The following NCALD variants were observed in gnomAD, a reference collection of about 807,000 sequenced individuals.
NCALD encodes neurocalcin delta.
Under a neutral mutation model 18.6 loss-of-function variants are expected in NCALD, and 10 were observed. The observed-to-expected ratio is 0.54, with a 90% CI of 0.33 to 0.91. The LOEUF (loss-of-function observed/expected upper bound fraction) is 0.91, where lower values mean the gene tolerates loss of function less well. Among genes scored for constraint, NCALD ranks in the 40% least tolerant of loss-of-function variants. The pLI, the probability that NCALD is intolerant of heterozygous loss-of-function variation, is 0.03. For missense variants in NCALD, 184 were observed against 247.6 expected (o/e 0.74, Z 1.72); for synonymous variants, 88 against 87.4 (o/e 1.01, Z -0.04).
At chr8:101,898,966 T>C (rs776767064) in intron 3 of NCALD, among the ~76,000 whole-genome samples, 1 of 152,106 alleles carries the variant, frequency 6.6e-6, no homozygotes, top group African/African-American at 2.4e-5. Context: ...CTGAATATCA[T>C]TTTGGGGAGA....
intron 3 of NCALD, among the ~76,000 whole-genome samples, chr8:101,887,587 A>C (rs1816721077): frequency 6.6e-6 from 1 of 151,632 alleles, no homozygotes; most frequent in Admixed American, 6.6e-5. Context: ...GATTATAAAC[A>C]TTAGAATAAA....
Position 102,066,663 on chromosome 8 carries a change from A to G in NCALD, c.-209-46374T>C, listed in dbSNP as rs1299341846. Among the ~76,000 whole-genome samples, 4 of 152,238 alleles carry G rather than the reference A, an allele frequency of 2.6e-5. No individual in the cohort carries two copies. The East Asian group carries it at 7.7e-4, about 29-fold the overall frequency. On this transcript the variant is annotated intron_variant, in intron 1 of 6. Transcript: ENST00000311028. ...CCCGCAGCAAGGCAGGTGTGTGCCCACAGGTTAACGTGACTTGGGGCACGT... is the reference window on the plus strand; with the variant it reads ...CCCGCAGCAAGGCAGGTGTGTGCCCGCAGGTTAACGTGACTTGGGGCACGT...
At chr8:102,026,920 G>A (rs1348574773) in intron 1 of NCALD, among the ~76,000 whole-genome samples, 1 of 152,214 alleles carries the variant, frequency 6.6e-6, no homozygotes, top group Non-Finnish European at 1.5e-5. Flanking sequence ...AATACCACAT[G>A]AAAGCTGCCA....
At chr8:102,090,868 C>A (rs533626671) in intron 1 of NCALD, among the ~76,000 whole-genome samples, 1 of 152,172 alleles carries the variant, frequency 6.6e-6, no homozygotes, top group Non-Finnish European at 1.5e-5. Flanking sequence ...TTTACCAAGG[C>A]GTTGTCTGGA....
intron 1 of NCALD, among the ~76,000 whole-genome samples, chr8:101,733,608 G>T (rs542367968): frequency 1.3e-5 from 2 of 152,318 alleles, no homozygotes; most frequent in South Asian, 2.1e-4. Context: ...GGTTCAGTTT[G>T]GTTGGGTTGT....
At chr8:102,059,088 T>C (rs1194327750) in intron 1 of NCALD, among the ~76,000 whole-genome samples, 1 of 152,260 alleles carries the variant, frequency 6.6e-6, no homozygotes, top group Non-Finnish European at 1.5e-5. Flanking sequence ...CAGTTATAAA[T>C]TTGTATTGTT....
chr8:101,762,741 T>G (rs1811167574), intron 1 of NCALD, among the ~76,000 whole-genome samples: 2 of 152,006 alleles, frequency 1.3e-5, no homozygotes, highest in South Asian at 4.2e-4. Context: ...GCCTGGCTAA[T>G]TTTTGTATTT....
chr8:101,884,000 C>T (rs1816584001), intron 4 of NCALD, among the ~76,000 whole-genome samples: 1 of 152,210 alleles, frequency 6.6e-6, no homozygotes, highest in Non-Finnish European at 1.5e-5. Context: ...TTGGTTCATT[C>T]ATTCATTCTC....
intron 1 of NCALD, among the ~76,000 whole-genome samples, chr8:102,074,642 C>A (rs375280937): frequency 3.5e-4 from 54 of 152,244 alleles, no homozygotes; most frequent in African/African-American, 1.3e-3. Flanking sequence ...CCTGACTGCA[C>A]TTGATCAGCA....
At chr8:101,730,585 G>A (rs1042646322) in intron 1 of NCALD, among the ~76,000 whole-genome samples, 2 of 149,442 alleles carry the variant, frequency 1.3e-5, no homozygotes, top group Non-Finnish European at 3.0e-5. Context: ...TTCATTTATC[G>A]ATGGATTCAA....
At chr8:101,944,762 A>G (rs935934465) in intron 2 of NCALD, among the ~76,000 whole-genome samples, 3 of 152,098 alleles carry the variant, frequency 2.0e-5, no homozygotes, top group African/African-American at 7.2e-5. Flanking sequence ...GCTCCCATCC[A>G]TGGCCCTGTC....
chr8:101,716,356 A>T (rs1460257999), intron 2 of NCALD, among the ~76,000 whole-genome samples: 1 of 152,130 alleles, frequency 6.6e-6, no homozygotes, highest in Non-Finnish European at 1.5e-5. Flanking sequence ...CATTAGGAGA[A>T]ATACCTAATG....
At chr8:102,011,858 T>C (rs750226387) in intron 2 of NCALD, among the ~76,000 whole-genome samples, 7 of 152,200 alleles carry the variant, frequency 4.6e-5, no homozygotes, top group Non-Finnish European at 1.0e-4. Flanking sequence ...GATCTTACTA[T>C]ACTATATGAG....
intron 1 of NCALD, among the ~76,000 whole-genome samples, chr8:101,758,366 C>T (rs569060840): frequency 6.6e-6 from 1 of 152,316 alleles, no homozygotes; most frequent in East Asian, 1.9e-4. Context: ...ACTCATCCTG[C>T]CTGGATTCCC....
chr8:101,768,652 T>A (rs1280973064), intron 1 of NCALD, among the ~76,000 whole-genome samples: 1 of 147,900 alleles, frequency 6.8e-6, no homozygotes, highest in East Asian at 2.0e-4. Flanking sequence ...GAAGATGCAA[T>A]GAACTGAGAT....
At chr8:101,934,000 C>T (rs1053928480) in intron 2 of NCALD, among the ~76,000 whole-genome samples, 1 of 152,110 alleles carries the variant, frequency 6.6e-6, no homozygotes, top group African/African-American at 2.4e-5. Context: ...AGAGATACTA[C>T]AGAAAGTGTG....
At chr8:101,693,326 T>TTTTG (rs1814827906) in intron 2 of NCALD, 2 of 93,394 alleles carry the variant, frequency 2.1e-5, no homozygotes, top group East Asian at 8.1e-4. Context: ...GCGTTTTTTT[T>TTTTG]TTTTTTTTTT....
At chr8:101,719,202 C>T in intron 2 of NCALD, 50 bp downstream of exon 2, 1 of 1,576,584 alleles carries the variant, frequency 6.3e-7, no homozygotes, top group Non-Finnish European at 8.6e-7. Context: ...CCTTCCAATT[C>T]TTACTTGAGA....
At chr8:101,832,718 C>T (rs1415771777) in intron 4 of NCALD, among the ~76,000 whole-genome samples, 1 of 152,176 alleles carries the variant, frequency 6.6e-6, no homozygotes, top group East Asian at 1.9e-4. Flanking sequence ...AATATTTCCT[C>T]ATATAAATAG....
Sources: allele counts gnomAD v4.1 joint callset (sites outside exome capture counted in the v4.1 genomes callset), GRCh38; gene constraint gnomAD v4.1.1; transcripts MANE v1.5; gene names NCBI Gene and HGNC (gene_info 2026-07-23, HGNC 2026-07-21).